Variants in CTSC observed in about 807,000 individuals in gnomAD.
CTSC encodes the protein cathepsin C.
A neutral mutation model predicts 40.9 loss-of-function variants in CTSC; 37 were observed. That is an observed-to-expected ratio of 0.91 (90% confidence interval 0.70 to 1.19). The LOEUF (loss-of-function observed/expected upper bound fraction) is 1.19, where lower values mean the gene tolerates loss of function less well. Ranked by LOEUF, CTSC falls within the 50% of genes most tolerant of loss-of-function variation. The probability of loss-of-function intolerance (pLI) is 0.00; values close to 1 mark genes in which losing one functional copy is unlikely to be tolerated. For synonymous variants in CTSC, 232 were observed against 207.4 expected (o/e 1.12, Z -1.02); for missense variants, 594 against 567.3 (o/e 1.05, Z -0.48).
chr11:88,336,109 G>A (rs1388765237), intron 1 of CTSC, among the ~76,000 whole-genome samples: 1 of 152,038 alleles, frequency 6.6e-6, no homozygotes, highest in Non-Finnish European at 1.5e-5. Flanking sequence ...ATTCAGCTGT[G>A]TCCATCTGGA....
At chr11:88,322,476 T>C (rs992525308) in intron 2 of CTSC, 4 of 152,178 alleles carry the variant, frequency 2.6e-5, no homozygotes, top group Admixed American at 2.0e-4. Flanking sequence ...TAGCCAGATA[T>C]ACAGTAGGAT....
Position 88,293,692 on chromosome 11 carries a change from A to G in CTSC, c.*314T>C. ...TTCTTGTGATTGGTACAATTTAAAAATAAGTCTATGTTTTCACATTGATTT... is the reference window on the plus strand; with the variant it reads ...TTCTTGTGATTGGTACAATTTAAAAGTAAGTCTATGTTTTCACATTGATTT... On this transcript the variant is annotated 3_prime_UTR_variant, in exon 7 of 7. Coordinates refer to ENST00000227266, the MANE Select transcript of CTSC (RefSeq NM_001814.6). 3.1e-6 allele frequency: 1 copy of G among 322,688 alleles called. No individual in the cohort carries two copies. The highest frequency in any genetic ancestry group is 9.9e-4 in the Middle Eastern group (1 of 1,008). The allele number at this position is 322,688 out of a possible 1,614,324, so 20.0% of individuals were successfully genotyped here.
Position 88,334,939 on chromosome 11 carries a change from TA to T in CTSC, c.315del (p.Phe105LeufsTer10). The T allele has an allele frequency of 1.9e-6, 3 of 1,611,316 alleles. No individual in the cohort carries two copies. The highest frequency in any genetic ancestry group is 2.5e-6 in the Non-Finnish European group (3 of 1,177,640). ...ATCCAACTTCCAACAAAACTAACCT[TA>T]AAAAAGGCAAACCACTTGTAGTCAT... Reference protein sequence around the residue: ...VLNDYKWFAFFKYKEEGSKVT... With the variant: ...VLNDYKWFAFXKYKEEGSKVT... On this transcript the variant is annotated frameshift_variant, in exon 2 of 7. Transcript: ENST00000227266. LOFTEE classifies it high-confidence loss of function.
At chr11:88,323,249 T>C (rs1938076798) in intron 2 of CTSC, 1 of 152,140 alleles carries the variant, frequency 6.6e-6, no homozygotes, top group South Asian at 2.1e-4. Context: ...CTCAATAAAC[T>C]AGGTATTGAA....
chr11:88,302,439 C>T (rs1344633461), intron 4 of CTSC, among the ~76,000 whole-genome samples: 1 of 151,884 alleles, frequency 6.6e-6, no homozygotes, highest in Admixed American at 6.6e-5. Context: ...CTGGCTAACA[C>T]AGTGAAACCC....
At chr11:88,305,088 ACT>A (rs922153626) in intron 4 of CTSC, among the ~76,000 whole-genome samples, 2 of 91,848 alleles carry the variant, frequency 2.2e-5, no homozygotes, top group South Asian at 4.7e-4. Context: ...ACACAGTGAG[ACT>A]CTGTCAAAAA....
chr11:88,304,460 G>T (rs1232800249), intron 4 of CTSC, among the ~76,000 whole-genome samples: 2 of 152,166 alleles, frequency 1.3e-5, no homozygotes, highest in Non-Finnish European at 2.9e-5. Context: ...ATAAGGCAGA[G>T]ATTTGCCCAT....
intron 2 of CTSC, chr11:88,324,396 ATTCTTT>A: frequency 1.0e-6 from 1 of 983,998 alleles, no homozygotes; most frequent in Non-Finnish European, 1.2e-6. Context: ...GAAATATGCA[ATTCTTT>A]TAAAACTCTG....
intron 4 of CTSC, among the ~76,000 whole-genome samples, chr11:88,300,909 A>ATATAC (rs1383351264): frequency 6.6e-6 from 1 of 151,960 alleles, no homozygotes; most frequent in African/African-American, 2.4e-5. Flanking sequence ...TATCACTGTG[A>ATATAC]TGTTATTTTT....
intron 2 of CTSC, among the ~76,000 whole-genome samples, chr11:88,320,090 T>C (rs1937964907): frequency 6.6e-6 from 1 of 152,190 alleles, no homozygotes; most frequent in South Asian, 2.1e-4. Context: ...TTCCAAGGAA[T>C]AGCTATAGTT....
chr11:88,335,387 T>G (rs988855321), intron 1 of CTSC, among the ~76,000 whole-genome samples: 4 of 152,076 alleles, frequency 2.6e-5, no homozygotes, highest in African/African-American at 7.2e-5. Context: ...TTGGGCAACA[T>G]AGTGAGACCC....
In CTSC at chr11:88,294,314, G is replaced by C. The variant is rs1372380261; in HGVS notation, c.1084C>G (p.Leu362Val). 6.2e-7 allele frequency: 1 copy of C among 1,614,140 alleles called. No individual in the cohort carries two copies. Among genetic ancestry groups the C allele is most frequent in the Admixed American group, 1.7e-5 (1 of 60,000 alleles). The change falls in exon 7 of 7, where the codon CTT becomes GTT. Residue 362 changes from leucine (L) to valine (V), a missense_variant. Transcript: ENST00000227266. ...YGGCNEALMKLELVHHGPMAV... is the reference protein window; with the variant it reads ...YGGCNEALMKVELVHHGPMAV... ...ATGGGCCCATGATGGACCAACTCAAGCTTCATCAGGGCTTCATTGCAGCCT... is the reference window on the plus strand; with the variant it reads ...ATGGGCCCATGATGGACCAACTCAACCTTCATCAGGGCTTCATTGCAGCCT...
rs973222991 is a variant in CTSC at position 88,294,600 on chromosome 11, T to C, written c.890-92A>G. 2.1e-6 allele frequency: 3 copies of C among 1,413,040 alleles called. No homozygotes were observed. The East Asian group carries it at 7.0e-5, about 33-fold the overall frequency. The allele number at this position is 1,413,040 out of a possible 1,614,324, so 87.5% of individuals were successfully genotyped here. A position where few individuals can be genotyped will look rare whatever the true frequency, so the allele number is the denominator to read the frequency against. ...CTTCTTTGCTCCATTATTCTTTGCATGTTACCCCTGAAAGTTGTTCTTAGC... is the reference window on the plus strand; with the variant it reads ...CTTCTTTGCTCCATTATTCTTTGCACGTTACCCCTGAAAGTTGTTCTTAGC... On this transcript the variant is annotated intron_variant, in intron 6 of 6. Transcript: ENST00000227266.
chr11:88,323,564 C>G (rs1474594878), intron 2 of CTSC: 2 of 152,138 alleles, frequency 1.3e-5, no homozygotes, highest in African/African-American at 4.8e-5. Context: ...TAAGCAACTT[C>G]GGTAAAGTCT....
intron 1 of CTSC, among the ~76,000 whole-genome samples, chr11:88,336,628 T>C (rs1938503492): frequency 1.3e-5 from 2 of 152,174 alleles, no homozygotes; most frequent in Admixed American, 1.3e-4. Context: ...ACAAATGACT[T>C]AATCTTTGTT....
intron 2 of CTSC, among the ~76,000 whole-genome samples, chr11:88,314,023 T>C (rs1455534950): frequency 6.6e-6 from 1 of 152,126 alleles, no homozygotes; most frequent in East Asian, 1.9e-4. Flanking sequence ...AAATTTCTGT[T>C]TACAAAAACA....
rs104894206 is a variant in CTSC at position 88,309,176 on chromosome 11, G to A, written c.628C>T (p.Arg210Ter). 3.1e-6 allele frequency: 5 copies of A among 1,613,686 alleles called. No individual in the cohort carries two copies. Among genetic ancestry groups the A allele is most frequent in the Non-Finnish European group, 4.2e-6 (5 of 1,179,772 alleles). The stretch of plus-strand genomic sequence containing the variant: ...GTGCTTGATTACCTTGGGATTTTTC[G>A]ACTGTGGCCACCACTTCTCCTAATC... The part of the protein sequence containing the change: ...DMIRRSGGHS[R>*]KIPRPKPAPL... Residue 210 changes from arginine to a stop codon, truncating the protein, a stop_gained, in exon 4 of 7, where the codon CGA becomes TGA. Transcript: ENST00000227266. LOFTEE classifies it high-confidence loss of function.
At chr11:88,307,765 T>A (rs985732219) in intron 4 of CTSC, among the ~76,000 whole-genome samples, 5 of 152,108 alleles carry the variant, frequency 3.3e-5, no homozygotes, top group African/African-American at 1.2e-4. Context: ...TAAATATAGT[T>A]ATGGTCATAA....
At chr11:88,311,344 C>T (rs1336032539) in intron 3 of CTSC, among the ~76,000 whole-genome samples, 1 of 152,208 alleles carries the variant, frequency 6.6e-6, no homozygotes, top group East Asian at 1.9e-4. Context: ...TTGCCCAGCA[C>T]CTTTGCAGAC....
Sources: allele counts gnomAD v4.1 joint callset (sites outside exome capture counted in the v4.1 genomes callset), GRCh38; gene constraint gnomAD v4.1.1; transcripts MANE v1.5; gene names NCBI Gene and HGNC (gene_info 2026-07-23, HGNC 2026-07-21).